The following CELF4 variants were observed in gnomAD, a reference collection of about 807,000 sequenced individuals.
CELF4 encodes the protein CUG-BP- and ETR-3-like factor 4.
CELF4 carries 18 observed loss-of-function variants against 59.9 expected under a neutral mutation model. That is an observed-to-expected ratio of 0.30 (90% CI 0.21 to 0.45). CELF4 has a LOEUF of 0.45. Ranked by LOEUF, CELF4 falls within the 20% of genes least tolerant of loss-of-function variation. The pLI, the probability that CELF4 is intolerant of heterozygous loss-of-function variation, is 1.00. For synonymous variants in CELF4, 261 were observed against 267.1 expected (o/e 0.98, Z 0.22); for missense variants, 456 against 689.0 (o/e 0.66, Z 3.79).
intron 2 of CELF4, among the ~76,000 whole-genome samples, chr18:37,335,494 T>C (rs1038954781): frequency 6.6e-6 from 1 of 151,878 alleles, no homozygotes; most frequent in African/African-American, 2.4e-5. Flanking sequence ...TGTGTGTGTG[T>C]GTGTGTGTGT....
intron 2 of CELF4, among the ~76,000 whole-genome samples, chr18:37,443,930 G>A (rs1437292314): frequency 6.6e-6 from 1 of 152,158 alleles, no homozygotes; most frequent in African/African-American, 2.4e-5. Context: ...TAAAAATTTA[G>A]AGGTTTCTGC....
Position 37,254,122 on chromosome 18 carries a change from G to A in CELF4, c.1334-184C>T, listed in dbSNP as rs891863369. The A allele has an allele frequency of 4.3e-5, 11 of 258,240 alleles. No individual in the cohort carries two copies. The highest frequency in any genetic ancestry group is 1.8e-4 in the African/African-American group (8 of 43,726). The allele number at this position is 258,240 out of a possible 1,614,324, so 16.0% of individuals were successfully genotyped here. On this transcript the variant is annotated intron_variant, in intron 11 of 12. Coordinates refer to ENST00000420428, the MANE Select transcript of CELF4 (RefSeq NM_020180.4). The surrounding 1 kb of genome is among the most constrained non-coding windows in gnomAD (Gnocchi z 5.1). ...CGCGCGCGCGTGCTAGGCCCCTCCGGGGGCAGGCGCTGGCGGGGACCCGGC... is the reference window on the plus strand; with the variant it reads ...CGCGCGCGCGTGCTAGGCCCCTCCGAGGGCAGGCGCTGGCGGGGACCCGGC...
At chr18:37,449,454 C>T (rs551149961) in intron 2 of CELF4, among the ~76,000 whole-genome samples, 3 of 152,264 alleles carry the variant, frequency 2.0e-5, no homozygotes, top group Admixed American at 6.5e-5. Context: ...AGAAGTTCTA[C>T]CACCCACTCA....
At chr18:37,479,720 C>A (rs771682203) in intron 2 of CELF4, among the ~76,000 whole-genome samples, 1 of 152,072 alleles carries the variant, frequency 6.6e-6, no homozygotes. Flanking sequence ...CACAGGGCAG[C>A]CCCTTTCTCA....
rs562491846 is a variant in CELF4 at position 37,403,636 on chromosome 18, C to A, written c.370-81755G>T. 1.1e-3 allele frequency among the ~76,000 whole-genome samples: 168 copies of A among 152,252 alleles called. 2 individuals are homozygous for A. The South Asian group carries it at 0.034, about 31-fold the overall frequency. Reference sequence around the variant, plus strand: ...CCAGCTGTGCCTGACGGTGTGCAGTCCTCTAGAGGTGGGGCTGAGAGGGCG... The same window carrying A: ...CCAGCTGTGCCTGACGGTGTGCAGTACTCTAGAGGTGGGGCTGAGAGGGCG... On this transcript the variant is annotated intron_variant, in intron 2 of 12. Coordinates refer to ENST00000420428, the MANE Select transcript of CELF4 (RefSeq NM_020180.4).
At chr18:37,337,292 G>GATTCT in intron 2 of CELF4, among the ~76,000 whole-genome samples, 1 of 152,294 alleles carries the variant, frequency 6.6e-6, no homozygotes, top group Admixed American at 6.5e-5. Flanking sequence ...CCCATGGTGA[G>GATTCT]CCTCACACCC....
chr18:37,407,276 G>A (rs1718002468), intron 2 of CELF4, among the ~76,000 whole-genome samples: 1 of 152,166 alleles, frequency 6.6e-6, no homozygotes, highest in Non-Finnish European at 1.5e-5. Flanking sequence ...CAGGGAGAGG[G>A]CTGCTGGATA....
chr18:37,269,993 G>A (rs926400499), intron 8 of CELF4, among the ~76,000 whole-genome samples: 4 of 152,110 alleles, frequency 2.6e-5, no homozygotes, highest in Admixed American at 2.0e-4. Flanking sequence ...ACTCCACATC[G>A]GGAGCACATT....
intron 1 of CELF4, among the ~76,000 whole-genome samples, chr18:37,519,881 G>A (rs1272721503): frequency 6.6e-6 from 1 of 152,224 alleles, no homozygotes; most frequent in Non-Finnish European, 1.5e-5. Context: ...CAGGGGGCCT[G>A]AGCCAGGAAA....
At chr18:37,467,370 C>T (rs954577106) in intron 2 of CELF4, among the ~76,000 whole-genome samples, 2 of 152,134 alleles carry the variant, frequency 1.3e-5, no homozygotes, top group South Asian at 2.1e-4. Flanking sequence ...GTCTGGAACT[C>T]GGCCTTGACC....
intron 2 of CELF4, among the ~76,000 whole-genome samples, chr18:37,345,739 G>A (rs2098231252): frequency 6.6e-6 from 1 of 152,050 alleles, no homozygotes; most frequent in South Asian, 2.1e-4. Context: ...TAGGCTGAAG[G>A]GAGAATGGAA....
chr18:37,294,076 G>A lies in CELF4; in HGVS notation c.449-18833C>T, dbSNP rs575415786. On this transcript the variant is annotated intron_variant, in intron 3 of 12. Transcript: ENST00000420428. The stretch of plus-strand genomic sequence containing the variant: ...ATCCCAAAAGGAGTGCAGATTCTGG[G>A]GCTTTAGAAGGGAAGCTGTTGAATA... Among the ~76,000 whole-genome samples, 8 of 152,254 alleles carry A rather than the reference G, an allele frequency of 5.3e-5. No homozygotes were observed. The East Asian group carries it at 1.5e-3, about 29-fold the overall frequency.
At chr18:37,267,881 C>CA (rs1033377142) in intron 8 of CELF4, among the ~76,000 whole-genome samples, 2 of 151,992 alleles carry the variant, frequency 1.3e-5, no homozygotes, top group South Asian at 2.1e-4. Context: ...ACTAAAAATA[C>CA]AAAAAAATTA....
chr18:37,314,448 G>T (rs531545486), intron 3 of CELF4, among the ~76,000 whole-genome samples: 1 of 152,102 alleles, frequency 6.6e-6, no homozygotes, highest in Non-Finnish European at 1.5e-5. Flanking sequence ...GAGTGAGACT[G>T]TCTCAAAAGA....
At chr18:37,316,136 T>C (rs931801832) in intron 3 of CELF4, among the ~76,000 whole-genome samples, 2 of 152,082 alleles carry the variant, frequency 1.3e-5, no homozygotes, top group Admixed American at 6.5e-5. Flanking sequence ...GCATGGGGTC[T>C]TGGGGTGGGG....
At chr18:37,331,590 G>A (rs759089748) in intron 2 of CELF4, among the ~76,000 whole-genome samples, 7 of 152,056 alleles carry the variant, frequency 4.6e-5, no homozygotes, top group Non-Finnish European at 1.0e-4. Flanking sequence ...GTGTGCACTC[G>A]GGTCTCAGAG....
rs558156881 is a variant in CELF4 at position 37,502,305 on chromosome 18, C to T, written c.287-16698G>A. On this transcript the variant is annotated intron_variant, in intron 1 of 12. Coordinates refer to ENST00000420428, the MANE Select transcript of CELF4 (RefSeq NM_020180.4). ...TTTCCATCCAGGCGGCTCTCCAAGACGAAATTTTTCTACTGGGAACCGACA... is the reference window on the plus strand; with the variant it reads ...TTTCCATCCAGGCGGCTCTCCAAGATGAAATTTTTCTACTGGGAACCGACA... Among the ~76,000 whole-genome samples, 20 of 151,990 alleles carry T rather than the reference C, an allele frequency of 1.3e-4. No homozygotes were observed. In the South Asian group the frequency reaches 2.7e-3, roughly 21 times the overall value.
chr18:37,275,048 A>G (rs1011218044), intron 4 of CELF4, 67 bp downstream of exon 4: 5 of 1,567,828 alleles, frequency 3.2e-6, no homozygotes, highest in Non-Finnish European at 4.4e-6. Flanking sequence ...GACTCAGAGG[A>G]GCCCTCTGGT....
intron 2 of CELF4, among the ~76,000 whole-genome samples, chr18:37,447,342 C>T (rs1165017316): frequency 6.6e-6 from 1 of 152,220 alleles, no homozygotes; most frequent in Non-Finnish European, 1.5e-5. Flanking sequence ...GTTGCATCCT[C>T]CCCATAGCCC....
Sources: allele counts gnomAD v4.1 joint callset (sites outside exome capture counted in the v4.1 genomes callset), GRCh38; gene constraint gnomAD v4.1.1; non-coding constraint Gnocchi (gnomAD v3.1); transcripts MANE v1.5; gene names NCBI Gene and HGNC (gene_info 2026-07-23, HGNC 2026-07-21).